AHCYL2: variants seen among roughly 807,000 people sequenced by gnomAD.
AHCYL2 encodes adenosylhomocysteinase like 2.
Under a neutral mutation model 81.4 loss-of-function variants are expected in AHCYL2, and 28 were observed. The ratio of observed to expected loss-of-function variants is 0.34; its 90% CI spans 0.25 to 0.47. The LOEUF (loss-of-function observed/expected upper bound fraction) is 0.47. AHCYL2 is among the 20% of genes least tolerant of loss of function. The pLI, the probability that AHCYL2 is intolerant of heterozygous loss-of-function variation, is 1.00. For missense variants in AHCYL2, 551 were observed against 785.1 expected (o/e 0.70, Z 3.56); for synonymous variants, 272 against 290.2 (o/e 0.94, Z 0.64).
chr7:129,267,707 T>C (rs1189795616), intron 1 of AHCYL2, among the ~76,000 whole-genome samples: 3 of 152,122 alleles, frequency 2.0e-5, no homozygotes, highest in African/African-American at 7.2e-5. Context: ...ATTGTAATTA[T>C]CTAAGTAAGA....
At chr7:129,304,829 T>C (rs1431149898) in intron 1 of AHCYL2, among the ~76,000 whole-genome samples, 1 of 152,110 alleles carries the variant, frequency 6.6e-6, no homozygotes, top group Non-Finnish European at 1.5e-5. Context: ...TGCTTTTTTA[T>C]CCATTCAGCC....
chr7:129,296,270 G>T (rs1797048608), intron 1 of AHCYL2, among the ~76,000 whole-genome samples: 1 of 152,124 alleles, frequency 6.6e-6, no homozygotes, highest in African/African-American at 2.4e-5. Context: ...TTGCATAAAG[G>T]GAGCCAGTGA....
At chr7:129,395,333 C>G (rs770362198) in intron 4 of AHCYL2, among the ~76,000 whole-genome samples, 19 of 152,174 alleles carry the variant, frequency 1.2e-4, no homozygotes, top group Non-Finnish European at 2.5e-4. Context: ...AAGTGGGGTT[C>G]TTGGATCTCT....
At chr7:129,351,920 T>A (rs1793580262) in intron 1 of AHCYL2, among the ~76,000 whole-genome samples, 1 of 152,238 alleles carries the variant, frequency 6.6e-6, no homozygotes, top group Non-Finnish European at 1.5e-5. Flanking sequence ...TAATAACCAT[T>A]AGTTATTGTA....
intron 10 of AHCYL2, among the ~76,000 whole-genome samples, chr7:129,407,653 C>G (rs1796368058): frequency 1.3e-5 from 2 of 152,078 alleles, no homozygotes; most frequent in Admixed American, 6.6e-5. Flanking sequence ...TTCAGATTAT[C>G]CTGTAGACAC....
intron 1 of AHCYL2, among the ~76,000 whole-genome samples, chr7:129,304,414 G>C (rs1563188733): frequency 6.6e-6 from 1 of 152,230 alleles, no homozygotes; most frequent in African/African-American, 2.4e-5. Flanking sequence ...TTGTAGTGCA[G>C]ATTAAGTCCA....
chr7:129,313,207 A>G (rs764574431), intron 1 of AHCYL2, among the ~76,000 whole-genome samples: 4 of 152,246 alleles, frequency 2.6e-5, no homozygotes, highest in African/African-American at 9.6e-5. Context: ...TTTGTAGGCA[A>G]TCCAGATGGG....
intron 1 of AHCYL2, among the ~76,000 whole-genome samples, chr7:129,320,925 C>T (rs1013552210): frequency 3.9e-5 from 6 of 152,200 alleles, no homozygotes; most frequent in Admixed American, 3.9e-4. Context: ...ATCATTACTT[C>T]ATTCCTTTTT....
intron 1 of AHCYL2, among the ~76,000 whole-genome samples, chr7:129,316,156 T>C (rs1797819731): frequency 6.6e-6 from 1 of 151,598 alleles, no homozygotes; most frequent in Non-Finnish European, 1.5e-5. Flanking sequence ...CCACCGGGAG[T>C]ATTACATTTA....
intron 1 of AHCYL2, among the ~76,000 whole-genome samples, chr7:129,379,273 C>A (rs1206939440): frequency 6.8e-6 from 1 of 147,864 alleles, no homozygotes; most frequent in African/African-American, 2.5e-5. Flanking sequence ...GAGTAAAAGT[C>A]CATCTCAAAA....
chr7:129,293,025 G>A (rs1796922354), intron 1 of AHCYL2, among the ~76,000 whole-genome samples: 1 of 152,090 alleles, frequency 6.6e-6, no homozygotes. Context: ...GTGTTGCCCA[G>A]GCTGGTCTCA....
intron 1 of AHCYL2, among the ~76,000 whole-genome samples, chr7:129,312,232 T>C (rs1355459946): frequency 2.6e-5 from 4 of 152,108 alleles, no homozygotes; most frequent in Non-Finnish European, 4.4e-5. Context: ...CCACAAGCGT[T>C]CACCACCATG....
At chr7:129,299,699 C>T (rs1299153482) in intron 1 of AHCYL2, among the ~76,000 whole-genome samples, 1 of 151,972 alleles carries the variant, frequency 6.6e-6, no homozygotes, top group Non-Finnish European at 1.5e-5. Context: ...AGCCAGATTC[C>T]AACTTTTAGG....
chr7:129,342,283 A>C (rs1793212736), intron 1 of AHCYL2, among the ~76,000 whole-genome samples: 2 of 152,166 alleles, frequency 1.3e-5, no homozygotes, highest in African/African-American at 4.8e-5. Flanking sequence ...ATTAACTCAA[A>C]GGTAATATCC....
intron 1 of AHCYL2, among the ~76,000 whole-genome samples, chr7:129,235,970 G>A (rs1291848908): frequency 6.8e-6 from 1 of 147,084 alleles, no homozygotes; most frequent in Non-Finnish European, 1.5e-5. Flanking sequence ...ATGTAGAAGT[G>A]TTTCTCTAGG....
chr7:129,343,709 G>GA lies in AHCYL2; in HGVS notation c.364-35922dup, dbSNP rs1458911641. On this transcript the variant is annotated intron_variant, in intron 1 of 16. Transcript: ENST00000325006. ...AACTCAAAATGGATCATAGACTATA[G>GA]AAAAAAACAAAGGAGAAAATCTTCA... Among the ~76,000 whole-genome samples, 12 of 152,068 alleles carry GA rather than the reference G, an allele frequency of 7.9e-5. 1 individual carries two copies. Among genetic ancestry groups the GA allele is most frequent in the African/African-American group, 2.9e-4 (12 of 41,498 alleles).
At chr7:129,309,356 T>C (rs937397372) in intron 1 of AHCYL2, among the ~76,000 whole-genome samples, 2 of 152,082 alleles carry the variant, frequency 1.3e-5, no homozygotes, top group Non-Finnish European at 2.9e-5. Context: ...CTAGAAAACA[T>C]AGTGAGATTC....
chr7:129,319,640 A>G (rs1797946668), intron 1 of AHCYL2, among the ~76,000 whole-genome samples: 1 of 152,224 alleles, frequency 6.6e-6, no homozygotes, highest in Non-Finnish European at 1.5e-5. Flanking sequence ...CTGTCTTACC[A>G]CAATAGATTT....
chr7:129,362,106 A>AT lies in AHCYL2; in HGVS notation c.364-17531dup, dbSNP rs555821855. ...ATAGCTTCCTGGTGCTTAGTGTTTT[A>AT]TATGTATTAGTTATTTAATCTTTAT... On this transcript the variant is annotated intron_variant, in intron 1 of 16. Transcript: ENST00000325006. Among the ~76,000 whole-genome samples, 20 of 152,212 alleles carry AT rather than the reference A, an allele frequency of 1.3e-4. No homozygotes were observed. In the East Asian group the frequency reaches 3.9e-3, roughly 29 times the overall value.
Sources: gnomAD v4.1 joint callset for allele counts (sites outside exome capture counted in the v4.1 genomes callset) on GRCh38, gnomAD v4.1.1 for gene constraint, MANE v1.5 for transcripts, NCBI Gene and HGNC (gene_info 2026-07-23, HGNC 2026-07-21) for gene names.